The following KCNK2 variants were observed in gnomAD, a reference collection of about 807,000 sequenced individuals.
The protein encoded by KCNK2 is potassium two pore domain channel subfamily K member 2, also known as potassium channel subfamily K member 2.
Under a neutral mutation model 40.5 loss-of-function variants are expected in KCNK2, and 21 were observed. That is an observed-to-expected ratio of 0.52 (90% CI 0.37 to 0.75). The LOEUF (loss-of-function observed/expected upper bound fraction) is 0.75. Among genes scored for constraint, KCNK2 ranks in the 30% least tolerant of loss-of-function variants. The pLI is 0.00. For missense variants in KCNK2, 399 were observed against 531.6 expected, an observed-to-expected ratio of 0.75 and a Z score of 2.45; for synonymous variants, 191 against 202.2, an observed-to-expected ratio of 0.94 and a Z score of 0.47.
intron 2 of KCNK2, among the ~76,000 whole-genome samples, chr1:215,116,354 A>T (rs1660940945): frequency 6.6e-6 from 1 of 152,002 alleles, no homozygotes; most frequent in Non-Finnish European, 1.5e-5. Context: ...TATTTTTCCA[A>T]ATGTCCAATA....
chr1:215,105,123 C>T (rs1028290267), intron 2 of KCNK2, among the ~76,000 whole-genome samples: 1 of 152,084 alleles, frequency 6.6e-6, no homozygotes, highest in Non-Finnish European at 1.5e-5. Flanking sequence ...AATACAGTAT[C>T]GTTGACTATG....
intron 1 of KCNK2, among the ~76,000 whole-genome samples, chr1:215,020,410 G>A (rs117830057): frequency 6.6e-6 from 1 of 152,200 alleles, no homozygotes; most frequent in East Asian, 1.9e-4. Flanking sequence ...AATACGTTGA[G>A]CCTCAGTACA....
intron 6 of KCNK2, among the ~76,000 whole-genome samples, chr1:215,201,540 G>A (rs919747681): frequency 5.3e-5 from 8 of 152,162 alleles, no homozygotes; most frequent in African/African-American, 1.7e-4. Context: ...CTGGGGAATT[G>A]AGCCATGGCA....
intron 3 of KCNK2, among the ~76,000 whole-genome samples, chr1:215,165,501 A>G (rs1255840665): frequency 6.6e-6 from 1 of 152,190 alleles, no homozygotes. Context: ...TGATGAGGCT[A>G]AATACACTGA....
intron 6 of KCNK2, among the ~76,000 whole-genome samples, chr1:215,204,533 G>A (rs1054069648): frequency 2.6e-5 from 4 of 151,730 alleles, no homozygotes; most frequent in Admixed American, 6.6e-5. Context: ...TGATTATTTC[G>A]AGACTGTTAC....
At chr1:215,187,622 A>C (rs1664497152) in intron 5 of KCNK2, among the ~76,000 whole-genome samples, 1 of 152,124 alleles carries the variant, frequency 6.6e-6, no homozygotes, top group Non-Finnish European at 1.5e-5. Flanking sequence ...ACACAATTTA[A>C]AATTTCTTTT....
chr1:215,159,234 C>T (rs12120091), intron 3 of KCNK2, among the ~76,000 whole-genome samples: 100,866 of 152,038 alleles, frequency 0.66, 35,195 homozygotes, highest in Non-Finnish European at 0.77. Flanking sequence ...GCCCATGGTC[C>T]TGCCAGACTT....
At chr1:215,196,302 T>C (rs1406015690) in intron 6 of KCNK2, among the ~76,000 whole-genome samples, 1 of 151,946 alleles carries the variant, frequency 6.6e-6, no homozygotes, top group Non-Finnish European at 1.5e-5. Context: ...GCCAGGCTGG[T>C]CTAGAACTCC....
At chr1:215,044,315 T>C (rs1474688508) in intron 1 of KCNK2, among the ~76,000 whole-genome samples, 1 of 152,158 alleles carries the variant, frequency 6.6e-6, no homozygotes, top group East Asian at 1.9e-4. Flanking sequence ...GATCTAGGAA[T>C]TCCGGTGGTG....
In KCNK2 at chr1:215,059,209, A is replaced by G. The variant is rs182423027; in HGVS notation, c.35-27159A>G. ...CCCCTGTCCCTAGAATTTTAGCTCC[A>G]GGAGAGCAGAGGCCTTGCCCATCTA... is the stretch of plus-strand genomic sequence containing the variant. On this transcript the variant is annotated intron_variant, in intron 1 of 6. Transcript: ENST00000391895. 7.8e-4 allele frequency among the ~76,000 whole-genome samples: 118 copies of G among 152,186 alleles called. 1 individual carries two copies. Among genetic ancestry groups the G allele is most frequent in the Non-Finnish European group, 7.4e-5 (5 of 68,006 alleles).
chr1:215,083,532 G>C (rs551109554), intron 1 of KCNK2, 101 bp downstream of exon 1: 3 of 876,914 alleles, frequency 3.4e-6, no homozygotes. Flanking sequence ...GCAAGCGGCC[G>C]TTTCCCATCT....
At chr1:215,156,075 GTGTGTGTA>G (rs1346936325) in intron 3 of KCNK2, among the ~76,000 whole-genome samples, 2 of 151,896 alleles carry the variant, frequency 1.3e-5, no homozygotes, top group African/African-American at 4.8e-5. Flanking sequence ...GTGTGTGTGT[GTGTGTGTA>G]TATATATATA....
intron 6 of KCNK2, among the ~76,000 whole-genome samples, chr1:215,224,533 A>T (rs181393754): frequency 7.0e-4 from 106 of 152,270 alleles, no homozygotes; most frequent in African/African-American, 2.5e-3. Context: ...AATAAAGACC[A>T]CTTAAAAAAT....
chr1:215,048,060 G>A (rs1571868869), intron 1 of KCNK2, among the ~76,000 whole-genome samples: 1 of 152,132 alleles, frequency 6.6e-6, no homozygotes, highest in African/African-American at 2.4e-5. Flanking sequence ...TTCCAATTAA[G>A]TTTATTGACT....
At chr1:215,191,838 G>A (rs1465508004) in intron 5 of KCNK2, among the ~76,000 whole-genome samples, 2 of 152,146 alleles carry the variant, frequency 1.3e-5, no homozygotes, top group Non-Finnish European at 2.9e-5. Flanking sequence ...AGGTCGGTGG[G>A]GAACCTAGGA....
chr1:215,155,096 T>C (rs1435949735), intron 3 of KCNK2, among the ~76,000 whole-genome samples: 1 of 152,194 alleles, frequency 6.6e-6, no homozygotes, highest in Non-Finnish European at 1.5e-5. Context: ...GATGATTTAA[T>C]CCATCTGATA....
chr1:215,142,075 G>A (rs1296130761), intron 3 of KCNK2, among the ~76,000 whole-genome samples: 2 of 151,958 alleles, frequency 1.3e-5, no homozygotes, highest in Non-Finnish European at 2.9e-5. Flanking sequence ...ACTTGAGTTT[G>A]TACTATTTCT....
chr1:215,044,320 G>A (rs1186466358), intron 1 of KCNK2, among the ~76,000 whole-genome samples: 1 of 152,112 alleles, frequency 6.6e-6, no homozygotes, highest in African/African-American at 2.4e-5. Context: ...AGGAATTCCG[G>A]TGGTGAAGAA....
chr1:215,101,023 G>C (rs573844055), intron 2 of KCNK2, among the ~76,000 whole-genome samples: 1 of 151,248 alleles, frequency 6.6e-6, no homozygotes, highest in East Asian at 2.0e-4. Flanking sequence ...CTGTTATAGA[G>C]GCCTGAAGTA....
Sources: gnomAD v4.1 joint callset for allele counts (sites outside exome capture counted in the v4.1 genomes callset) on GRCh38, gnomAD v4.1.1 for gene constraint, MANE v1.5 for transcripts, NCBI Gene and HGNC (gene_info 2026-07-23, HGNC 2026-07-21) for gene names.